PRKN: variants seen among roughly 807,000 people sequenced by gnomAD.
The protein encoded by PRKN is E3 ubiquitin-protein ligase parkin.
PRKN carries 56 observed loss-of-function variants against 59.5 expected under a neutral mutation model. The ratio of observed to expected loss-of-function variants is 0.94; its 90% CI spans 0.76 to 1.18. PRKN has a LOEUF of 1.18. Among genes scored for constraint, PRKN ranks in the 50% most tolerant of loss-of-function variants. The pLI, the probability that PRKN is intolerant of heterozygous loss-of-function variation, is 0.00. For synonymous variants in PRKN, 250 were observed against 222.1 expected (o/e 1.13, Z -1.12); for missense variants, 657 against 596.4 (o/e 1.10, Z -1.06).
At chr6:162,045,232 G>A (rs190555648) in intron 5 of PRKN, among the ~76,000 whole-genome samples, 1 of 152,242 alleles carries the variant, frequency 6.6e-6, no homozygotes, top group East Asian at 1.9e-4. Flanking sequence ...TGTTATAAAA[G>A]TTATCTACAT....
At chr6:162,625,811 C>G (rs1427690753) in intron 1 of PRKN, among the ~76,000 whole-genome samples, 1 of 151,840 alleles carries the variant, frequency 6.6e-6, no homozygotes, top group Non-Finnish European at 1.5e-5. Flanking sequence ...TCTCATAGTT[C>G]CTTTCTGAAA....
chr6:162,502,964 T>G (rs1436330007), intron 1 of PRKN, among the ~76,000 whole-genome samples: 1 of 151,976 alleles, frequency 6.6e-6, no homozygotes, highest in African/African-American at 2.4e-5. Context: ...GATCTAAATA[T>G]AGAAATAGTT....
At chr6:162,435,901 T>C (rs1562762974) in intron 2 of PRKN, among the ~76,000 whole-genome samples, 1 of 152,164 alleles carries the variant, frequency 6.6e-6, no homozygotes, top group Non-Finnish European at 1.5e-5. Context: ...TATTGGTCAT[T>C]TGCAGAATTC....
At chr6:161,853,670 G>C (rs977075413) in intron 6 of PRKN, among the ~76,000 whole-genome samples, 7 of 152,098 alleles carry the variant, frequency 4.6e-5, no homozygotes, top group Non-Finnish European at 8.8e-5. Flanking sequence ...AATTCCTTTG[G>C]AAATTAAAGT....
intron 7 of PRKN, chr6:161,716,050 C>T (rs570073061): frequency 1.6e-6 from 2 of 1,262,902 alleles, no homozygotes; most frequent in East Asian, 4.7e-5. Context: ...GACACAGCCA[C>T]CATGCTGTGC....
chr6:162,689,298 CAAA>C (rs370906167), intron 1 of PRKN, among the ~76,000 whole-genome samples: 29 of 152,014 alleles, frequency 1.9e-4, no homozygotes, highest in African/African-American at 5.8e-4. Flanking sequence ...ATGCACAAGT[CAAA>C]GAAGAAGAAG....
rs137927523 is a variant in PRKN at position 161,518,843 on chromosome 6, T to C, written c.1083+30011A>G. 1.6e-4 allele frequency among the ~76,000 whole-genome samples: 25 copies of C among 152,206 alleles called. No homozygotes were observed. Among genetic ancestry groups the C allele is most frequent in the Admixed American group, 1.6e-3 (25 of 15,304 alleles). On this transcript the variant is annotated intron_variant, in intron 9 of 11. Transcript: ENST00000366898. The surrounding 1 kb of genome is among the most constrained non-coding windows in gnomAD (Gnocchi z 5.0). ...TGAACACTGACTGAATTGAGTCAAA[T>C]AGAAAGCAGCTCTCACTCAGAGAGC...
chr6:161,755,588 C>A (rs890830295), intron 7 of PRKN, among the ~76,000 whole-genome samples: 1 of 151,772 alleles, frequency 6.6e-6, no homozygotes, highest in East Asian at 1.9e-4. Context: ...GCCTCGACTA[C>A]GGCAAGCAGA....
At chr6:162,624,498 T>C (rs955478951) in intron 1 of PRKN, 12 of 152,190 alleles carry the variant, frequency 7.9e-5, no homozygotes, top group South Asian at 2.1e-4. Context: ...GGAGTTCAAA[T>C]AGAAATCACA....
intron 1 of PRKN, among the ~76,000 whole-genome samples, chr6:162,675,502 A>T (rs1779510347): frequency 6.6e-6 from 1 of 152,154 alleles, no homozygotes; most frequent in Admixed American, 6.5e-5. Context: ...ACCAGGGAAA[A>T]TTTCAAGGGG....
intron 4 of PRKN, among the ~76,000 whole-genome samples, chr6:162,055,219 G>A (rs1260829343): frequency 2.0e-5 from 3 of 151,886 alleles, no homozygotes; most frequent in African/African-American, 7.3e-5. Flanking sequence ...TAGGGGAGAG[G>A]GCACAGGGGA....
At chr6:162,722,740 A>C (rs1160825932) in intron 1 of PRKN, among the ~76,000 whole-genome samples, 1 of 152,202 alleles carries the variant, frequency 6.6e-6, no homozygotes, top group Non-Finnish European at 1.5e-5. Flanking sequence ...ACATATCTTA[A>C]TACAAAGTAC....
intron 4 of PRKN, among the ~76,000 whole-genome samples, chr6:162,083,199 C>A (rs1388803281): frequency 1.3e-5 from 2 of 151,886 alleles, no homozygotes; most frequent in African/African-American, 2.4e-5. Flanking sequence ...AGGTGATCCA[C>A]CCGCCATATA....
chr6:161,741,294 C>T (rs562269811), intron 7 of PRKN, among the ~76,000 whole-genome samples: 34 of 152,168 alleles, frequency 2.2e-4, no homozygotes, highest in Admixed American at 1.6e-3. Flanking sequence ...ATAGTTTCTC[C>T]GAGGACCTGA....
chr6:161,683,471 A>G (rs1785445599), intron 7 of PRKN, among the ~76,000 whole-genome samples: 1 of 152,210 alleles, frequency 6.6e-6, no homozygotes, highest in East Asian at 1.9e-4. Flanking sequence ...GAAGACGAAC[A>G]AAGGGGAAGA....
At position 162,727,620 on chromosome 6, in the gene PRKN, G is replaced by A. The variant is rs755930574; in HGVS notation, c.7+42C>T. On this transcript the variant is annotated intron_variant, in intron 1 of 11. Transcript: ENST00000366898. ...GGGGCGTGGCGCCATACCGGGGCGT[G>A]GGGCGGCGCAGAGAGGCTGTACCTG... The A allele has an allele frequency of 4.5e-6, 7 of 1,570,114 alleles. No homozygotes were observed. The African/African-American group carries it at 5.4e-5, about 12-fold the overall frequency.
chr6:162,204,807 C>T (rs1404739306), intron 3 of PRKN, among the ~76,000 whole-genome samples: 1 of 151,678 alleles, frequency 6.6e-6, no homozygotes, highest in Non-Finnish European at 1.5e-5. Context: ...TTCAGAGGTC[C>T]ACTGGCTTTC....
chr6:162,426,291 C>G (rs1255385348), intron 2 of PRKN, among the ~76,000 whole-genome samples: 1 of 152,038 alleles, frequency 6.6e-6, no homozygotes, highest in East Asian at 1.9e-4. Flanking sequence ...TACATAGAAA[C>G]TATATATATG....
At chr6:161,636,119 G>T (rs553692797) in intron 7 of PRKN, among the ~76,000 whole-genome samples, 1 of 152,358 alleles carries the variant, frequency 6.6e-6, no homozygotes, top group South Asian at 2.1e-4. Flanking sequence ...GGGCAGCACA[G>T]AGCTAGAGAC....
Sources: allele counts gnomAD v4.1 joint callset (sites outside exome capture counted in the v4.1 genomes callset), GRCh38; gene constraint gnomAD v4.1.1; non-coding constraint Gnocchi (gnomAD v3.1); transcripts MANE v1.5; gene names NCBI Gene and HGNC (gene_info 2026-07-23, HGNC 2026-07-21).